PIP4K2A: variants seen among roughly 807,000 people sequenced by gnomAD.
The protein encoded by PIP4K2A is phosphatidylinositol-5-phosphate 4-kinase type 2 alpha.
A neutral mutation model predicts 42.9 loss-of-function variants in PIP4K2A; 14 were observed. That is an observed-to-expected ratio of 0.33 (90% CI 0.22 to 0.51). PIP4K2A has a LOEUF of 0.51. PIP4K2A is among the 20% of genes least tolerant of loss of function. The pLI is 0.97. For missense variants in PIP4K2A, 434 were observed against 519.8 expected, an observed-to-expected ratio of 0.83 and a Z score of 1.61; for synonymous variants, 192 against 192.2, an observed-to-expected ratio of 1.00 and a Z score of 0.01.
At chr10:22,709,402 T>C (rs919307193) in intron 1 of PIP4K2A, among the ~76,000 whole-genome samples, 3 of 152,204 alleles carry the variant, frequency 2.0e-5, no homozygotes, top group Admixed American at 6.5e-5. Context: ...AAGTTAGCAT[T>C]TGAACCTCAT....
chr10:22,570,516 C>T (rs536834769), intron 5 of PIP4K2A, among the ~76,000 whole-genome samples: 31 of 152,088 alleles, frequency 2.0e-4, no homozygotes, highest in South Asian at 6.2e-4. Context: ...CTTGCTTGGG[C>T]GAAGACTTTA....
At chr10:22,648,063 T>C (rs1423075538) in intron 1 of PIP4K2A, among the ~76,000 whole-genome samples, 3 of 152,218 alleles carry the variant, frequency 2.0e-5, no homozygotes. Flanking sequence ...CTTTATTTCC[T>C]TCCTCCTCAA....
chr10:22,567,338 T>C (rs549231728), intron 6 of PIP4K2A, among the ~76,000 whole-genome samples: 5 of 152,226 alleles, frequency 3.3e-5, no homozygotes, highest in African/African-American at 1.2e-4. Flanking sequence ...GCAGTCTTCT[T>C]ATCCTTAATT....
intron 6 of PIP4K2A, among the ~76,000 whole-genome samples, chr10:22,561,795 G>T (rs1836710557): frequency 6.6e-6 from 1 of 151,854 alleles, no homozygotes; most frequent in African/African-American, 2.4e-5. Context: ...GAACTCCCGA[G>T]CTCAGGCTAT....
intron 1 of PIP4K2A, among the ~76,000 whole-genome samples, chr10:22,619,627 G>C (rs1206628884): frequency 6.6e-6 from 1 of 151,788 alleles, no homozygotes; most frequent in Non-Finnish European, 1.5e-5. Context: ...AGTAGAGATG[G>C]GGTTTCACCA....
chr10:22,711,093 A>C (rs1240370653), intron 1 of PIP4K2A, among the ~76,000 whole-genome samples: 2 of 152,228 alleles, frequency 1.3e-5, no homozygotes, highest in Non-Finnish European at 2.9e-5. Context: ...TTCTCTGCTT[A>C]AAATACTTAA....
chr10:22,642,340 G>C (rs1392319818), intron 1 of PIP4K2A, among the ~76,000 whole-genome samples: 1 of 152,100 alleles, frequency 6.6e-6, no homozygotes, highest in Non-Finnish European at 1.5e-5. Context: ...TGTGTGGTTT[G>C]AGGCAAACCA....
chr10:22,543,915 G>A (rs1385143265), intron 7 of PIP4K2A, among the ~76,000 whole-genome samples: 1 of 152,194 alleles, frequency 6.6e-6, no homozygotes, highest in East Asian at 1.9e-4. Flanking sequence ...CAGGGGGCAG[G>A]CTCTCCGTGT....
intron 1 of PIP4K2A, among the ~76,000 whole-genome samples, chr10:22,677,941 G>C (rs554332932): frequency 1.3e-5 from 2 of 152,044 alleles, no homozygotes; most frequent in Admixed American, 1.3e-4. Context: ...GGCCACTAAG[G>C]GCTCTTAAAA....
chr10:22,578,337 C>T (rs1485209319), intron 4 of PIP4K2A, among the ~76,000 whole-genome samples: 1 of 152,200 alleles, frequency 6.6e-6, no homozygotes, highest in Non-Finnish European at 1.5e-5. Context: ...CTGGATTTTA[C>T]TTTCCTTTCC....
rs1433895010 is a variant in PIP4K2A, at chr10:22,714,391, C to A, written c.-65G>T. ...GCCGGGGACCCGCCCTCTCTACACC[C>A]CGGCCCGGGGAGGCAGCCGCATCCC... On this transcript the variant is annotated 5_prime_UTR_variant, in exon 1 of 10. Transcript: ENST00000376573. 2 of 1,209,354 alleles carry A rather than the reference C, an allele frequency of 1.7e-6. No homozygotes were observed. The highest frequency in any genetic ancestry group is 2.1e-6 in the Non-Finnish European group (2 of 957,256). 74.9% of individuals were successfully genotyped at this position (1,209,354 alleles called of 1,614,324 possible). A position where few individuals can be genotyped will look rare whatever the true frequency, so the allele number is the denominator to read the frequency against.
At chr10:22,685,107 A>G (rs1839736441) in intron 1 of PIP4K2A, among the ~76,000 whole-genome samples, 1 of 152,120 alleles carries the variant, frequency 6.6e-6, no homozygotes, top group South Asian at 2.1e-4. Flanking sequence ...TTTCAATAGG[A>G]CTTTGATTCT....
chr10:22,625,258 A>G (rs1246687246), intron 1 of PIP4K2A, among the ~76,000 whole-genome samples: 1 of 152,252 alleles, frequency 6.6e-6, no homozygotes, highest in East Asian at 1.9e-4. Context: ...ATCACTATTA[A>G]AACAACATTT....
chr10:22,645,145 G>C (rs975724895), intron 1 of PIP4K2A, among the ~76,000 whole-genome samples: 3 of 152,312 alleles, frequency 2.0e-5, no homozygotes, highest in Non-Finnish European at 2.9e-5. Flanking sequence ...CTCCACACTA[G>C]GTTGAAGCAA....
At chr10:22,695,622 T>C (rs1470984246) in intron 1 of PIP4K2A, among the ~76,000 whole-genome samples, 1 of 152,182 alleles carries the variant, frequency 6.6e-6, no homozygotes, top group African/African-American at 2.4e-5. Flanking sequence ...ATATACAGTC[T>C]TCCCTTGGTA....
At chr10:22,548,798 C>A (rs1836317514) in intron 7 of PIP4K2A, among the ~76,000 whole-genome samples, 1 of 152,072 alleles carries the variant, frequency 6.6e-6, no homozygotes, top group Non-Finnish European at 1.5e-5. Context: ...GTAATCACAG[C>A]ACTTTGGGAG....
intron 9 of PIP4K2A, among the ~76,000 whole-genome samples, chr10:22,538,188 C>T (rs1835984706): frequency 6.6e-6 from 1 of 152,222 alleles, no homozygotes; most frequent in African/African-American, 2.4e-5. Context: ...GGAGCCCAGG[C>T]TTGAATGCAG....
chr10:22,543,724 T>C (rs1003934809), intron 7 of PIP4K2A, among the ~76,000 whole-genome samples: 1 of 152,108 alleles, frequency 6.6e-6, no homozygotes, highest in African/African-American at 2.4e-5. Flanking sequence ...GGGATCATGT[T>C]TGTGGGGGCG....
chr10:22,568,953 G>A (rs1836914365), intron 5 of PIP4K2A: 1 of 1,325,816 alleles, frequency 7.5e-7, no homozygotes, highest in African/African-American at 1.5e-5. Flanking sequence ...TTTACCACCT[G>A]ATGAAAAGAC....
Sources: allele counts gnomAD v4.1 joint callset (sites outside exome capture counted in the v4.1 genomes callset), GRCh38; gene constraint gnomAD v4.1.1; transcripts MANE v1.5; gene names NCBI Gene and HGNC (gene_info 2026-07-23, HGNC 2026-07-21).